Variants in SLC2A9 observed in about 807,000 individuals in gnomAD.
SLC2A9 encodes the protein solute carrier family 2 member 9, also known as solute carrier family 2, facilitated glucose transporter member 9.
A neutral mutation model predicts 50.6 loss-of-function variants in SLC2A9; 39 were observed. That is an observed-to-expected ratio of 0.77 (90% CI 0.60 to 1.01). The LOEUF is 1.01. SLC2A9 is among the 50% of genes least tolerant of loss of function. SLC2A9 has a pLI of 0.00. For synonymous variants in SLC2A9, 324 were observed against 276.9 expected, an observed-to-expected ratio of 1.17 and a Z score of -1.69; for missense variants, 686 against 677.6, an observed-to-expected ratio of 1.01 and a Z score of -0.14.
chr4:9,920,361 T>C (rs759632947), intron 7 of SLC2A9, 24 bp downstream of exon 7: 15 of 1,613,218 alleles, frequency 9.3e-6, no homozygotes, highest in Admixed American at 8.3e-5. Context: ...CATGCAAGGA[T>C]GCCCACCGGG....
At chr4:9,814,032 TG>T (rs1164351824) in intron 3 of SLC2A9, among the ~76,000 whole-genome samples, 1 of 152,086 alleles carries the variant, frequency 6.6e-6, no homozygotes, top group Non-Finnish European at 1.5e-5. Flanking sequence ...CTCAACTACT[TG>T]GGAGGCTGAG....
chr4:9,931,448 A>G (rs1269871366), intron 6 of SLC2A9, among the ~76,000 whole-genome samples: 3 of 152,230 alleles, frequency 2.0e-5, no homozygotes, highest in African/African-American at 7.2e-5. Flanking sequence ...AGAGGAGTCA[A>G]GAGACACTGA....
At chr4:10,004,931 G>A (rs751818282) in intron 2 of SLC2A9, among the ~76,000 whole-genome samples, 16 of 152,158 alleles carry the variant, frequency 1.1e-4, no homozygotes, top group Non-Finnish European at 1.9e-4. Context: ...CCTGCTTTGG[G>A]ACATCTCACT....
At chr4:9,863,273 A>G (rs1040937877) in intron 10 of SLC2A9, among the ~76,000 whole-genome samples, 2 of 151,972 alleles carry the variant, frequency 1.3e-5, no homozygotes, top group African/African-American at 2.4e-5. Flanking sequence ...CAGCCTCCCA[A>G]GTAGCTGGGA....
intron 2 of SLC2A9, among the ~76,000 whole-genome samples, chr4:10,017,004 TG>T (rs1351704223): frequency 6.6e-6 from 1 of 152,154 alleles, no homozygotes; most frequent in Non-Finnish European, 1.5e-5. Context: ...TGCCACCATG[TG>T]GGCACAGCCA....
intron 6 of SLC2A9, among the ~76,000 whole-genome samples, chr4:9,933,027 A>G (rs1432670586): frequency 6.6e-6 from 1 of 152,218 alleles, no homozygotes; most frequent in African/African-American, 2.4e-5. Context: ...GAGCAGCTCC[A>G]GCATCTGCCC....
Position 9,920,547 on chromosome 4 carries a change from T to C in SLC2A9, c.840A>G (p.Ala280=). 6.2e-7 allele frequency: 1 copy of C among 1,614,192 alleles called. No homozygotes were observed. The highest frequency in any genetic ancestry group is 1.1e-5 in the South Asian group (1 of 91,088). The change falls in exon 7 of 12, where the codon GCA becomes GCG. Residue 280 remains alanine (A), a synonymous_variant. Transcript: ENST00000264784. The part of the protein sequence containing the change: ...VKAFQTFLGK[A]DVSQEVEEVL... Reference sequence around the variant, plus strand: ...CCTCCTCTACCTCTTGGGAAACGTCTGCTTTACCCAAGAACGTTTGGAAGG... The same window carrying C: ...CCTCCTCTACCTCTTGGGAAACGTCCGCTTTACCCAAGAACGTTTGGAAGG...
intron 2 of SLC2A9, among the ~76,000 whole-genome samples, chr4:10,006,894 G>A (rs1026471519): frequency 2.0e-5 from 3 of 151,810 alleles, no homozygotes; most frequent in African/African-American, 4.8e-5. Flanking sequence ...ACCACCCCCC[G>A]AGAAAAACCC....
intron 6 of SLC2A9, among the ~76,000 whole-genome samples, chr4:9,932,338 C>T (rs1421750661): frequency 6.6e-6 from 1 of 152,096 alleles, no homozygotes; most frequent in Non-Finnish European, 1.5e-5. Context: ...TAAATGCCTA[C>T]TGTATGCCAG....
chr4:9,980,689 T>C lies in SLC2A9; in HGVS notation c.584A>G (p.Lys195Arg), dbSNP rs1168365962. The C allele has an allele frequency of 1.2e-6, 2 of 1,613,950 alleles. No individual in the cohort carries two copies. Among genetic ancestry groups the C allele is most frequent in the East Asian group, 2.2e-5 (1 of 44,864 alleles). The change falls in exon 5 of 12, where the codon AAG becomes AGG. Residue 195 changes from lysine to arginine, a missense_variant. Coordinates refer to ENST00000264784, the MANE Select transcript of SLC2A9 (RefSeq NM_020041.3). ...CTGCCCCAGAGAGCCACGGATCTCC[T>C]TGGGTGAGATCTCACTAAGGTACAT... ...LPMYLSEISP[K>R]EIRGSLGQVT...
rs116309112 is a variant in SLC2A9 at position 9,974,648 on chromosome 4, C to G, written c.681+5944G>C. ...AACATTCTATGTTCATGGATTAGAA[C>G]AATCAATATCATTAAAATAGCAATA... On this transcript the variant is annotated intron_variant, in intron 5 of 11. Coordinates refer to ENST00000264784, the MANE Select transcript of SLC2A9 (RefSeq NM_020041.3). Among the ~76,000 whole-genome samples, 1,435 of 151,980 alleles carry G rather than the reference C, an allele frequency of 9.4e-3. 26 individuals carry two copies. The highest frequency in any genetic ancestry group is 0.033 in the African/African-American group (1,384 of 41,452).
At chr4:9,990,608 G>A (rs368123051) in intron 3 of SLC2A9, among the ~76,000 whole-genome samples, 5 of 152,210 alleles carry the variant, frequency 3.3e-5, no homozygotes, top group Middle Eastern at 3.4e-3. Context: ...CTGCTTTCCC[G>A]GCTCATGCGT....
intron 3 of SLC2A9, among the ~76,000 whole-genome samples, chr4:9,811,697 T>G (rs184873141): frequency 2.6e-5 from 4 of 152,300 alleles, no homozygotes; most frequent in African/African-American, 9.6e-5. Context: ...ATGCACAGAA[T>G]TGTAAGGAAA....
intron 1 of SLC2A9, chr4:10,034,733 C>G (rs116694479): frequency 6.6e-6 from 1 of 152,244 alleles, no homozygotes; most frequent in Non-Finnish European, 1.5e-5. Context: ...AGTAGGTACA[C>G]AGCTCCTAGA....
At chr4:9,879,078 T>C in intron 10 of SLC2A9, 1 of 983,700 alleles carries the variant, frequency 1.0e-6, no homozygotes, top group African/African-American at 1.8e-5. Context: ...TGTGTTTGGA[T>C]ACAGGTGATA....
At chr4:9,827,715 C>T (rs1385030097) in intron 11 of SLC2A9, among the ~76,000 whole-genome samples, 1 of 152,124 alleles carries the variant, frequency 6.6e-6, no homozygotes, top group Admixed American at 6.5e-5. Context: ...TTTAAAGTGC[C>T]ACATGCAGTA....
intron 8 of SLC2A9, among the ~76,000 whole-genome samples, chr4:9,895,564 TGG>T (rs1738388764): frequency 6.6e-6 from 1 of 152,226 alleles, no homozygotes; most frequent in South Asian, 2.1e-4. Flanking sequence ...TCTGGAGCCA[TGG>T]GGTCACCCAT....
At chr4:9,957,706 C>T (rs958185475) in intron 5 of SLC2A9, among the ~76,000 whole-genome samples, 7 of 152,042 alleles carry the variant, frequency 4.6e-5, no homozygotes, top group African/African-American at 1.7e-4. Flanking sequence ...AATAAAAATA[C>T]AGTGGACAAG....
At chr4:9,978,228 C>T (rs74513897) in intron 5 of SLC2A9, among the ~76,000 whole-genome samples, 3,685 of 152,252 alleles carry the variant, frequency 0.024, 168 homozygotes, top group African/African-American at 0.084. Flanking sequence ...GTAAGAAAGA[C>T]GTGGGCTGTA....
Sources: allele counts gnomAD v4.1 joint callset (sites outside exome capture counted in the v4.1 genomes callset), GRCh38; gene constraint gnomAD v4.1.1; transcripts MANE v1.5; gene names NCBI Gene and HGNC (gene_info 2026-07-23, HGNC 2026-07-21).